ABCB5: variants seen among roughly 807,000 people sequenced by gnomAD.
The protein encoded by ABCB5 is ATP-binding cassette sub-family B member 5.
A neutral mutation model predicts 144.2 loss-of-function variants in ABCB5; 155 were observed. That is an observed-to-expected ratio of 1.08 (90% CI 0.94 to 1.23). The LOEUF (loss-of-function observed/expected upper bound fraction) is 1.23, where lower values mean the gene tolerates loss of function less well. Among genes scored for constraint, ABCB5 ranks in the 50% most tolerant of loss-of-function variants. The probability of loss-of-function intolerance (pLI) is 0.00; values close to 1 mark genes in which losing one functional copy is unlikely to be tolerated. For missense variants in ABCB5, 1,830 were observed against 1,520.8 expected (o/e 1.20, Z -3.38); for synonymous variants, 610 against 528.6 (o/e 1.15, Z -2.11).
At chr7:20,658,999 T>C in intron 14 of ABCB5, 2 of 1,551,132 alleles carry the variant, frequency 1.3e-6, no homozygotes, top group Non-Finnish European at 1.8e-6. Context: ...ATTATAACCA[T>C]GCCCACCCTT....
At chr7:20,754,386 G>A (rs1263447779) in intron 27 of ABCB5, among the ~76,000 whole-genome samples, 2 of 152,226 alleles carry the variant, frequency 1.3e-5, no homozygotes, top group African/African-American at 4.8e-5. Context: ...TATCTGGGCT[G>A]TAATCCTTAC....
At chr7:20,625,595 G>A (rs532330442) in intron 2 of ABCB5, among the ~76,000 whole-genome samples, 220 of 152,244 alleles carry the variant, frequency 1.4e-3, no homozygotes, top group African/African-American at 5.2e-3. Flanking sequence ...GTTAAAAATT[G>A]CAATCCACCA....
intron 20 of ABCB5, among the ~76,000 whole-genome samples, chr7:20,714,364 AT>A (rs1363901747): frequency 2.0e-5 from 3 of 151,882 alleles, no homozygotes; most frequent in Non-Finnish European, 4.4e-5. Context: ...AAAAACCTGT[AT>A]TTTTGTGCCT....
At position 20,650,060 on chromosome 7, in the gene ABCB5, G is replaced by C; in HGVS notation, c.1245G>C (p.Glu415Asp). The C allele has an allele frequency of 1.9e-6, 3 of 1,613,510 alleles. No homozygotes were observed. Among genetic ancestry groups the C allele is most frequent in the Non-Finnish European group, 2.5e-6 (3 of 1,179,630 alleles). ...KGLNLRIKSG[E>D]TVALVGLNGS... ...TGAATCTCAGAATTAAGTCTGGAGA[G>C]ACAGTCGCCTTGGTCGGTCTCAATG... The change falls in exon 12 of 28, where the codon GAG becomes GAC. Residue 415 changes from glutamate (E) to aspartate (D), a missense_variant. Glu to Asp is a conservative substitution (Grantham distance 45). Coordinates refer to ENST00000404938, the MANE Select transcript of ABCB5 (RefSeq NM_001163941.2).
intron 13 of ABCB5, among the ~76,000 whole-genome samples, chr7:20,656,255 A>T (rs966777237): frequency 1.1e-4 from 16 of 152,038 alleles, no homozygotes; most frequent in Admixed American, 9.8e-4. Flanking sequence ...GCATTACTAT[A>T]AAAAAAAGAT....
intron 5 of ABCB5, among the ~76,000 whole-genome samples, chr7:20,639,014 C>T (rs1784226114): frequency 6.6e-6 from 1 of 152,168 alleles, no homozygotes; most frequent in Non-Finnish European, 1.5e-5. Context: ...ATGTCCTCAT[C>T]AACACTTGTT....
At position 20,739,002 on chromosome 7, in the gene ABCB5, T is replaced by C. The variant is rs768837838; in HGVS notation, c.2887T>C (p.Tyr963His). 6.2e-7 allele frequency: 1 copy of C among 1,606,708 alleles called. No homozygotes were observed. The change falls in exon 24 of 28, where the codon TAT (tyrosine) becomes CAT (histidine). Residue 963 changes from tyrosine (Y) to histidine (H), a missense_variant. Transcript: ENST00000404938. Reference protein sequence around the residue: ...GMFIVFTAIAYGAMAIGETLV... With the variant: ...GMFIVFTAIAHGAMAIGETLV... ...TGATAGAGTTTTTACTGCAATTGCA[T>C]ATGGAGCTATGGCCATCGGAGAAAC...
intron 7 of ABCB5, among the ~76,000 whole-genome samples, chr7:20,644,057 T>G (rs574829646): frequency 1.3e-5 from 2 of 151,966 alleles, no homozygotes; most frequent in Admixed American, 1.3e-4. Context: ...TCTTTTTATA[T>G]CATCCTCTTA....
At chr7:20,689,053 A>T (rs1210178720) in intron 16 of ABCB5, among the ~76,000 whole-genome samples, 1 of 152,176 alleles carries the variant, frequency 6.6e-6, no homozygotes, top group Non-Finnish European at 1.5e-5. Context: ...CCAACATGGC[A>T]CATGTATACA....
chr7:20,733,420 T>C (rs938012369), intron 23 of ABCB5, among the ~76,000 whole-genome samples: 9 of 152,094 alleles, frequency 5.9e-5, no homozygotes, highest in Non-Finnish European at 1.2e-4. Context: ...TGGCCTACCA[T>C]ACTTCCTGAA....
At chr7:20,666,497 T>C (rs920001936) in intron 14 of ABCB5, among the ~76,000 whole-genome samples, 26 of 152,348 alleles carry the variant, frequency 1.7e-4, no homozygotes, top group African/African-American at 6.3e-4. Flanking sequence ...TCTCCTCAGG[T>C]CCGTATCTCT....
intron 1 of ABCB5, among the ~76,000 whole-genome samples, chr7:20,621,641 C>T (rs962673632): frequency 6.6e-6 from 1 of 151,994 alleles, no homozygotes; most frequent in Non-Finnish European, 1.5e-5. Context: ...AATATATGAT[C>T]TAATAGGGTA....
intron 2 of ABCB5, among the ~76,000 whole-genome samples, chr7:20,623,710 C>G (rs1424905586): frequency 6.6e-6 from 1 of 152,050 alleles, no homozygotes; most frequent in East Asian, 1.9e-4. Context: ...AGAAAATATT[C>G]GATTCCGATT....
chr7:20,679,815 G>A (rs375532200), intron 14 of ABCB5, among the ~76,000 whole-genome samples: 20 of 152,164 alleles, frequency 1.3e-4, no homozygotes, highest in African/African-American at 4.6e-4. Flanking sequence ...ACTATTGGGG[G>A]GTTTATAAAA....
chr7:20,617,215 G>T (rs1783706440), intron 1 of ABCB5, among the ~76,000 whole-genome samples: 1 of 152,034 alleles, frequency 6.6e-6, no homozygotes. Flanking sequence ...ACAGTACCTG[G>T]CACAGTATAT....
intron 26 of ABCB5, among the ~76,000 whole-genome samples, chr7:20,746,861 T>C (rs563284349): frequency 6.6e-6 from 1 of 152,346 alleles, no homozygotes; most frequent in South Asian, 2.1e-4. Flanking sequence ...GTGATTTTTA[T>C]AAACTAAGTT....
At chr7:20,737,207 T>C (rs1413339500) in intron 23 of ABCB5, among the ~76,000 whole-genome samples, 1 of 151,012 alleles carries the variant, frequency 6.6e-6, no homozygotes, top group South Asian at 2.1e-4. Context: ...CAACCCCAGA[T>C]AGTCCAACAC....
At chr7:20,650,587 A>C (rs1784553477) in intron 12 of ABCB5, among the ~76,000 whole-genome samples, 1 of 147,168 alleles carries the variant, frequency 6.8e-6, no homozygotes. Flanking sequence ...TTTTTCTTGG[A>C]GCTTACAGTG....
chr7:20,660,460 T>A, intron 14 of ABCB5: 1 of 938,666 alleles, frequency 1.1e-6, no homozygotes, highest in Non-Finnish European at 1.3e-6. Context: ...GGATGAAAAG[T>A]AGCACAGTAA....
Sources: allele counts gnomAD v4.1 joint callset (sites outside exome capture counted in the v4.1 genomes callset), GRCh38; gene constraint gnomAD v4.1.1; transcripts MANE v1.5; gene names NCBI Gene and HGNC (gene_info 2026-07-23, HGNC 2026-07-21).